SNX13: variants seen among roughly 807,000 people sequenced by gnomAD.
The protein encoded by SNX13 is sorting nexin-13.
SNX13 carries 45 observed loss-of-function variants against 133.6 expected under a neutral mutation model. The ratio of observed to expected loss-of-function variants is 0.34; its 90% confidence interval spans 0.27 to 0.43. The LOEUF (loss-of-function observed/expected upper bound fraction) is 0.43, where lower values mean the gene tolerates loss of function less well. Ranked by LOEUF, SNX13 falls within the 20% of genes least tolerant of loss-of-function variation. The pLI is 1.00. For synonymous variants in SNX13, 414 were observed against 373.9 expected (o/e 1.11, Z -1.24); for missense variants, 1,032 against 1,145.1 (o/e 0.90, Z 1.43).
At chr7:17,876,107 TGTAATTTCTCA>T in intron 5 of SNX13, among the ~76,000 whole-genome samples, 1 of 152,368 alleles carries the variant, frequency 6.6e-6, no homozygotes, top group South Asian at 2.1e-4. Flanking sequence ...CAGTATATCA[TGTAATTTCTCA>T]GCCCCAACAT....
chr7:17,929,491 T>C (rs946690226), intron 1 of SNX13, among the ~76,000 whole-genome samples: 1 of 152,054 alleles, frequency 6.6e-6, no homozygotes, highest in South Asian at 2.1e-4. Context: ...TACTGCACAA[T>C]ACTATTAACA....
rs144975553 is a variant in SNX13, at chr7:17,852,732, A to G, written c.838-1768T>C. ...TGTATGATAATAAGAATGATCATAT[A>G]AAGAGTGAAAATGTGATGGTACAGA... On this transcript the variant is annotated intron_variant, in intron 9 of 25. Transcript: ENST00000428135. 4.6e-3 allele frequency among the ~76,000 whole-genome samples: 699 copies of G among 152,330 alleles called. 6 individuals are homozygous for G. Among genetic ancestry groups the G allele is most frequent in the African/African-American group, 0.016 (677 of 41,584 alleles).
intron 1 of SNX13, among the ~76,000 whole-genome samples, chr7:17,930,794 G>A (rs1371321098): frequency 6.6e-6 from 1 of 152,154 alleles, no homozygotes; most frequent in Non-Finnish European, 1.5e-5. Flanking sequence ...GTGGCGGGGA[G>A]TGGGCTTTTC....
At chr7:17,836,183 C>G (rs1203025318) in intron 13 of SNX13, among the ~76,000 whole-genome samples, 1 of 151,864 alleles carries the variant, frequency 6.6e-6, no homozygotes, top group Non-Finnish European at 1.5e-5. Flanking sequence ...TGAAACACAA[C>G]CAGTCAAGAT....
At chr7:17,893,794 G>A (rs1796904327) in intron 2 of SNX13, among the ~76,000 whole-genome samples, 2 of 151,932 alleles carry the variant, frequency 1.3e-5, no homozygotes, top group Non-Finnish European at 2.9e-5. Context: ...CCAACATGGT[G>A]AAACCCCGTC....
intron 7 of SNX13, 21 bp from the exon 8 acceptor site, chr7:17,873,637 T>C: frequency 4.2e-6 from 6 of 1,416,622 alleles, no homozygotes; most frequent in Non-Finnish European, 4.8e-6. Flanking sequence ...AAAAAGTAGC[T>C]ATCATAACAT....
intron 1 of SNX13, among the ~76,000 whole-genome samples, chr7:17,935,384 T>C (rs919444322): frequency 2.6e-5 from 4 of 152,230 alleles, no homozygotes; most frequent in African/African-American, 4.8e-5. Flanking sequence ...AATGGGGATA[T>C]ACTGCTCAGA....
intron 20 of SNX13, among the ~76,000 whole-genome samples, chr7:17,804,641 A>T (rs908974263): frequency 1.3e-5 from 2 of 152,050 alleles, no homozygotes; most frequent in Non-Finnish European, 2.9e-5. Flanking sequence ...ACCAAACTAG[A>T]GATGCAGATG....
intron 5 of SNX13, among the ~76,000 whole-genome samples, chr7:17,884,079 AAC>A (rs1795685463): frequency 6.6e-6 from 1 of 152,216 alleles, no homozygotes; most frequent in Non-Finnish European, 1.5e-5. Flanking sequence ...TGATTCCTGC[AAC>A]AGACAGTTTT....
At chr7:17,864,721 C>G (rs1793155401) in intron 9 of SNX13, among the ~76,000 whole-genome samples, 1 of 151,048 alleles carries the variant, frequency 6.6e-6, no homozygotes, top group Non-Finnish European at 1.5e-5. Context: ...ATCAAACTCT[C>G]CAAGGTCAAG....
chr7:17,919,155 G>C (rs938583121), intron 1 of SNX13, among the ~76,000 whole-genome samples: 1 of 152,092 alleles, frequency 6.6e-6, no homozygotes, highest in Non-Finnish European at 1.5e-5. Context: ...TTCACTATTT[G>C]GCTGATGGAG....
At chr7:17,908,262 C>T (rs1583723752) in intron 1 of SNX13, among the ~76,000 whole-genome samples, 1 of 152,166 alleles carries the variant, frequency 6.6e-6, no homozygotes, top group Non-Finnish European at 1.5e-5. Flanking sequence ...CCCTTCCTCA[C>T]AGCCAAAGCT....
chr7:17,906,744 C>T (rs1798440915), intron 1 of SNX13, among the ~76,000 whole-genome samples: 2 of 152,252 alleles, frequency 1.3e-5, no homozygotes, highest in African/African-American at 4.8e-5. Context: ...AAAGTGAACA[C>T]ACAAACTCAA....
intron 19 of SNX13, 60 bp downstream of exon 19, chr7:17,816,122 T>C: frequency 1.4e-6 from 2 of 1,459,052 alleles, no homozygotes; most frequent in Non-Finnish European, 1.8e-6. Flanking sequence ...ATGAAAAACA[T>C]TCTACACCTG....
chr7:17,933,734 G>C (rs1488547023), intron 1 of SNX13, among the ~76,000 whole-genome samples: 2 of 145,072 alleles, frequency 1.4e-5, no homozygotes, highest in African/African-American at 2.5e-5. Flanking sequence ...TATCCACCAA[G>C]AAAATAGTGA....
intron 18 of SNX13, among the ~76,000 whole-genome samples, chr7:17,817,729 T>C (rs1197901755): frequency 2.0e-5 from 3 of 152,160 alleles, no homozygotes; most frequent in Non-Finnish European, 4.4e-5. Flanking sequence ...GGGTCCTCAC[T>C]GAACATCACA....
intron 4 of SNX13, among the ~76,000 whole-genome samples, chr7:17,890,799 C>T (rs1242189746): frequency 1.3e-5 from 2 of 151,498 alleles, no homozygotes; most frequent in African/African-American, 4.8e-5. Context: ...AGAAACTTTC[C>T]ATGCTATAAT....
chr7:17,866,264 AATAT>A (rs1793384451), intron 9 of SNX13, among the ~76,000 whole-genome samples: 1 of 152,074 alleles, frequency 6.6e-6, no homozygotes, highest in Non-Finnish European at 1.5e-5. Context: ...TAATAACCAG[AATAT>A]ATAAGGAACT....
At chr7:17,807,987 A>T (rs1310256769) in intron 20 of SNX13, among the ~76,000 whole-genome samples, 1 of 152,202 alleles carries the variant, frequency 6.6e-6, no homozygotes, top group Admixed American at 6.5e-5. Flanking sequence ...AGATAAATTC[A>T]CGAAGAAGAG....
Sources: allele counts gnomAD v4.1 joint callset (sites outside exome capture counted in the v4.1 genomes callset), GRCh38; gene constraint gnomAD v4.1.1; transcripts MANE v1.5; gene names NCBI Gene and HGNC (gene_info 2026-07-23, HGNC 2026-07-21).